LCP2: variants seen among roughly 807,000 people sequenced by gnomAD.
LCP2 encodes the protein lymphocyte cytosolic protein 2, also known as 76 kDa tyrosine phosphoprotein.
LCP2 carries 29 observed loss-of-function variants against 74.5 expected under a neutral mutation model. The observed-to-expected ratio is 0.39, with a 90% confidence interval of 0.29 to 0.53. The LOEUF (loss-of-function observed/expected upper bound fraction) is 0.53, where lower values mean the gene tolerates loss of function less well. LCP2 is among the 20% of genes least tolerant of loss of function. LCP2 has a pLI of 0.72. For synonymous variants in LCP2, 228 were observed against 229.5 expected, an observed-to-expected ratio of 0.99 and a Z score of 0.06; for missense variants, 604 against 634.6, an observed-to-expected ratio of 0.95 and a Z score of 0.52.
At chr5:170,261,484 C>CACATAT (rs377755880) in intron 13 of LCP2, among the ~76,000 whole-genome samples, 94 of 151,478 alleles carry the variant, frequency 6.2e-4, no homozygotes, top group African/African-American at 2.0e-3. Flanking sequence ...CACACACACA[C>CACATAT]ATGTGGTTTA....
intron 2 of LCP2, 135 bp from the exon 3 acceptor site, chr5:170,288,151 A>G: frequency 1.5e-6 from 1 of 671,620 alleles, no homozygotes; most frequent in Non-Finnish European, 2.3e-6. Flanking sequence ...CGCCCTGCCC[A>G]CCCACCCTCC....
intron 2 of LCP2, among the ~76,000 whole-genome samples, chr5:170,290,223 G>T (rs1050514249): frequency 6.6e-6 from 1 of 152,192 alleles, no homozygotes; most frequent in African/African-American, 2.4e-5. Flanking sequence ...ATTATATGCT[G>T]TGGGTGTTGA....
In LCP2 at chr5:170,258,867, A is replaced by G; in HGVS notation, c.969T>C (p.Asp323=). Residue 323 remains aspartate (D), a splice_region_variant and synonymous_variant, in exon 15 of 21, where the codon GAT becomes GAC. Transcript: ENST00000046794. ...GPDRRENDED[D]VHQRPLPQPA... ...GTAAGAATGTGTTTCCGAACATACCATCATCTTCATCCTGGGAAGGGGAAG... is the reference window on the plus strand; with the variant it reads ...GTAAGAATGTGTTTCCGAACATACCGTCATCTTCATCCTGGGAAGGGGAAG... 8 of 1,584,688 alleles carry G rather than the reference A, an allele frequency of 5.0e-6. No individual in the cohort carries two copies. The highest frequency in any genetic ancestry group is 2.2e-5 in the East Asian group (1 of 44,464).
At chr5:170,272,505 G>C (rs1419040492) in intron 6 of LCP2, among the ~76,000 whole-genome samples, 1 of 147,144 alleles carries the variant, frequency 6.8e-6, no homozygotes, top group Non-Finnish European at 1.5e-5. Flanking sequence ...CCAATCAGAA[G>C]TAGCCAGCCA....
At chr5:170,288,173 G>T (rs1037447005) in intron 2 of LCP2, among the ~76,000 whole-genome samples, 157 bp from the exon 3 acceptor site, 1 of 122,672 alleles carries the variant, frequency 8.2e-6, no homozygotes, top group African/African-American at 3.1e-5. Flanking sequence ...CAAGTAGGCA[G>T]CCTCTAGATG....
chr5:170,275,078 C>A (rs1446657944), intron 5 of LCP2, among the ~76,000 whole-genome samples: 1 of 152,082 alleles, frequency 6.6e-6, no homozygotes, highest in African/African-American at 2.4e-5. Context: ...GCTCCCAGAG[C>A]TCCTCAGTGT....
intron 2 of LCP2, among the ~76,000 whole-genome samples, chr5:170,290,964 G>GAAAAGAAAGAAAGA (rs60392412): frequency 7.9e-5 from 3 of 38,096 alleles, no homozygotes; most frequent in Non-Finnish European, 1.2e-4. Context: ...AAGAAAGAAA[G>GAAAAGAAAGAAAGA]AAAGAAAGAA....
At chr5:170,289,588 T>A (rs566539924) in intron 2 of LCP2, among the ~76,000 whole-genome samples, 1 of 149,656 alleles carries the variant, frequency 6.7e-6, no homozygotes, top group African/African-American at 2.5e-5. Flanking sequence ...TCTTAACTAC[T>A]CCTTTTCTTT....
chr5:170,263,501 A>G (rs1433005049), intron 10 of LCP2, among the ~76,000 whole-genome samples: 1 of 152,212 alleles, frequency 6.6e-6, no homozygotes, highest in African/African-American at 2.4e-5. Context: ...TGGGGAGAGC[A>G]TTTCAGGAGA....
At chr5:170,275,019 A>G (rs999249482) in intron 5 of LCP2, among the ~76,000 whole-genome samples, 2 of 151,578 alleles carry the variant, frequency 1.3e-5, no homozygotes, top group Non-Finnish European at 2.9e-5. Flanking sequence ...GGACTAGCTA[A>G]GCTCAGGTGC....
intron 10 of LCP2, among the ~76,000 whole-genome samples, chr5:170,265,319 T>C (rs1761732783): frequency 6.6e-6 from 1 of 152,320 alleles, no homozygotes; most frequent in South Asian, 2.1e-4. Context: ...TCTCTGAGCA[T>C]GTTAAAAGTC....
intron 13 of LCP2, among the ~76,000 whole-genome samples, chr5:170,261,869 T>C (rs1206421453): frequency 6.6e-6 from 1 of 152,230 alleles, no homozygotes; most frequent in Non-Finnish European, 1.5e-5. Context: ...TCATTCTGTG[T>C]TTATTTAAAA....
intron 1 of LCP2, among the ~76,000 whole-genome samples, chr5:170,296,639 A>G (rs1263307819): frequency 6.6e-6 from 1 of 152,224 alleles, no homozygotes; most frequent in Admixed American, 6.5e-5. Flanking sequence ...ATCTTACCAC[A>G]TGGTCAGGGT....
chr5:170,265,210 A>G (rs934859827), intron 10 of LCP2, among the ~76,000 whole-genome samples: 1 of 151,946 alleles, frequency 6.6e-6, no homozygotes, highest in African/African-American at 2.4e-5. Context: ...GATGGTCTCC[A>G]TCTCCTGACG....
At chr5:170,258,235 C>A in intron 15 of LCP2, 69 bp from the exon 16 acceptor site, 1 of 1,544,024 alleles carries the variant, frequency 6.5e-7, no homozygotes, top group Admixed American at 1.7e-5. Flanking sequence ...CATTCCATAA[C>A]CGCCCCCCAG....
Position 170,250,774 on chromosome 5 carries a change from C to T in LCP2, c.1435G>A (p.Glu479Lys), listed in dbSNP as rs1433501291. ...GTTCCCAACAAGTAAACTTGACTTT[C>T]CTTCTGATAACGGATCTGGATGTTG... ...VYNIQIRYQK[E>K]SQVYLLGTGL... Residue 479 changes from glutamate (E) to lysine (K), a missense_variant, in exon 20 of 21, where the codon GAA becomes AAA. Transcript: ENST00000046794. The T allele has an allele frequency of 6.2e-7, 1 of 1,613,240 alleles. No individual in the cohort carries two copies. The highest frequency in any genetic ancestry group is 2.2e-5 in the East Asian group (1 of 44,866).
chr5:170,268,344 A>T (rs778931957), intron 8 of LCP2, 41 bp downstream of exon 8: 5 of 263,274 alleles, frequency 1.9e-5, no homozygotes, highest in East Asian at 7.1e-5. Context: ...AAATAACTGC[A>T]GTGGACACCA....
chr5:170,259,927 T>C (rs569761112), intron 14 of LCP2, among the ~76,000 whole-genome samples: 1 of 152,324 alleles, frequency 6.6e-6, no homozygotes, highest in South Asian at 2.1e-4. Context: ...GTGTCAATCC[T>C]TCCAGAGACA....
Position 170,252,821 on chromosome 5 carries a change from T to C in LCP2, c.1245+298A>G, listed in dbSNP as rs191132001. 9.2e-5 allele frequency among the ~76,000 whole-genome samples: 14 copies of C among 152,266 alleles called. No homozygotes were observed. In the East Asian group the frequency reaches 2.7e-3, roughly 29 times the overall value. On this transcript the variant is annotated intron_variant, in intron 18 of 20. Transcript: ENST00000046794. Reference sequence around the variant, plus strand: ...CAGTTTAGCATAATAACCTGCTTGATTAAAAAAATGGGTTATTGAGCAGTT... The same window carrying C: ...CAGTTTAGCATAATAACCTGCTTGACTAAAAAAATGGGTTATTGAGCAGTT...
Sources: gnomAD v4.1 joint callset for allele counts (sites outside exome capture counted in the v4.1 genomes callset) on GRCh38, gnomAD v4.1.1 for gene constraint, MANE v1.5 for transcripts, NCBI Gene and HGNC (gene_info 2026-07-23, HGNC 2026-07-21) for gene names.